The following ZBTB20 variants were observed in gnomAD, a reference collection of about 807,000 sequenced individuals.
The protein encoded by ZBTB20 is zinc finger and BTB domain containing 20.
ZBTB20 carries 9 observed loss-of-function variants against 56.9 expected under a neutral mutation model. The observed-to-expected ratio is 0.16, with a 90% confidence interval of 0.10 to 0.28. The LOEUF is 0.28. Among genes scored for constraint, ZBTB20 ranks in the 10% least tolerant of loss-of-function variants. The probability of loss-of-function intolerance (pLI) is 1.00; values close to 1 mark genes in which losing one functional copy is unlikely to be tolerated. For synonymous variants in ZBTB20, 417 were observed against 420.7 expected, an observed-to-expected ratio of 0.99 and a Z score of 0.11; for missense variants, 655 against 1,003.0, an observed-to-expected ratio of 0.65 and a Z score of 4.69.
chr3:114,954,742 G>A lies in ZBTB20; in HGVS notation c.-456+19624C>T, dbSNP rs148749734. Among the ~76,000 whole-genome samples the A allele has an allele frequency of 1.4e-3, 219 of 152,172 alleles. 2 individuals carry two copies. The highest frequency in any genetic ancestry group is 3.4e-3 in the Middle Eastern group (1 of 294). ...TCTTCTAAGCTAAGATAAGGTTTGG[G>A]GCACCTAAAGTGCACTCAACTGCAA... On this transcript the variant is annotated intron_variant, in intron 3 of 11. Transcript: ENST00000675478.
At chr3:114,892,937 G>A (rs987567355) in intron 4 of ZBTB20, among the ~76,000 whole-genome samples, 1 of 152,196 alleles carries the variant, frequency 6.6e-6, no homozygotes, top group Non-Finnish European at 1.5e-5. Context: ...AAAATTGGTT[G>A]TAGAAAGCAC....
chr3:114,544,409 CTTTCTTTCTTTCTTTCTT>C (rs534730462), intron 6 of ZBTB20, among the ~76,000 whole-genome samples: 221 of 5,126 alleles, frequency 0.043, 2 homozygotes, highest in African/African-American at 0.07. Flanking sequence ...TAGATTTCTT[CTTTCTTTCTTTCTTTCTT>C]TCTTTCTTTC....
chr3:114,458,795 T>C (rs1427333251), intron 7 of ZBTB20, among the ~76,000 whole-genome samples: 2 of 152,026 alleles, frequency 1.3e-5, no homozygotes, highest in Non-Finnish European at 2.9e-5. Context: ...AAGGACAACA[T>C]ATCCTAATTT....
chr3:114,949,484 A>G (rs2076990450), intron 3 of ZBTB20, among the ~76,000 whole-genome samples: 1 of 146,460 alleles, frequency 6.8e-6, no homozygotes, highest in Non-Finnish European at 1.5e-5. Context: ...AGACAACTAT[A>G]AGGTCAGGCG....
chr3:114,456,393 T>C (rs2092022255), intron 7 of ZBTB20, among the ~76,000 whole-genome samples: 1 of 152,178 alleles, frequency 6.6e-6, no homozygotes, highest in Non-Finnish European at 1.5e-5. Context: ...GACCTCACCC[T>C]GAATTTACAA....
intron 4 of ZBTB20, among the ~76,000 whole-genome samples, chr3:114,895,705 A>G (rs2074847854): frequency 6.6e-6 from 1 of 152,142 alleles, no homozygotes; most frequent in South Asian, 2.1e-4. Flanking sequence ...AGAAGAGAGG[A>G]AAAAATAATA....
At chr3:114,800,139 G>A (rs534845868) in intron 5 of ZBTB20, among the ~76,000 whole-genome samples, 7 of 151,836 alleles carry the variant, frequency 4.6e-5, no homozygotes, top group Non-Finnish European at 5.9e-5. Flanking sequence ...TAAAACTGAG[G>A]AAGACATCAT....
At chr3:114,735,134 G>A (rs1003549405) in intron 5 of ZBTB20, among the ~76,000 whole-genome samples, 1 of 151,424 alleles carries the variant, frequency 6.6e-6, no homozygotes, top group Non-Finnish European at 1.5e-5. Flanking sequence ...CCAATGCTGA[G>A]TTTTTATTCC....
intron 5 of ZBTB20, among the ~76,000 whole-genome samples, chr3:114,762,399 T>TA (rs1208594675): frequency 1.3e-5 from 2 of 152,192 alleles, no homozygotes; most frequent in African/African-American, 2.4e-5. Flanking sequence ...TCTCTTGACA[T>TA]TGACTAAGTC....
intron 5 of ZBTB20, among the ~76,000 whole-genome samples, chr3:114,763,032 A>G (rs1304153330): frequency 1.3e-5 from 2 of 152,188 alleles, no homozygotes; most frequent in South Asian, 2.1e-4. Flanking sequence ...ATTTTCACAT[A>G]CTTTATATAA....
At chr3:114,420,237 G>A (rs1321003446) in intron 7 of ZBTB20, among the ~76,000 whole-genome samples, 1 of 152,112 alleles carries the variant, frequency 6.6e-6, no homozygotes, top group African/African-American at 2.4e-5. Context: ...AGGAGAGCTG[G>A]GGGTAAGCAG....
chr3:114,597,017 G>A (rs565217099), intron 6 of ZBTB20, among the ~76,000 whole-genome samples: 177 of 151,994 alleles, frequency 1.2e-3, no homozygotes, highest in African/African-American at 4.0e-3. Flanking sequence ...AATACTTCCC[G>A]ACTCAATCCT....
At chr3:114,963,415 C>T (rs1445115054) in intron 3 of ZBTB20, among the ~76,000 whole-genome samples, 1 of 152,130 alleles carries the variant, frequency 6.6e-6, no homozygotes, top group Admixed American at 6.5e-5. Flanking sequence ...TATAAAGCTG[C>T]TTCTGGAGAA....
At chr3:114,361,004 A>G (rs1357873666) in intron 10 of ZBTB20, among the ~76,000 whole-genome samples, 1 of 152,194 alleles carries the variant, frequency 6.6e-6, no homozygotes, top group Non-Finnish European at 1.5e-5. Context: ...AATTATTTTA[A>G]TCACAAGTAG....
intron 5 of ZBTB20, among the ~76,000 whole-genome samples, chr3:114,736,610 A>G (rs975289031): frequency 6.6e-6 from 1 of 152,192 alleles, no homozygotes; most frequent in Admixed American, 6.6e-5. Context: ...TCAAGTAAGG[A>G]CTAAACATAA....
intron 6 of ZBTB20, among the ~76,000 whole-genome samples, chr3:114,538,218 A>C (rs538099957): frequency 1.3e-5 from 2 of 152,222 alleles, no homozygotes; most frequent in South Asian, 4.1e-4. Flanking sequence ...TATAATAATA[A>C]AGGCTCACAT....
chr3:115,060,444 C>T (rs2081973778), intron 2 of ZBTB20, among the ~76,000 whole-genome samples: 3 of 152,120 alleles, frequency 2.0e-5, no homozygotes, highest in Admixed American at 2.0e-4. Flanking sequence ...TACAGGAAGG[C>T]TTTCCCGGGA....
At position 114,481,276 on chromosome 3, in the gene ZBTB20, A is replaced by C. The variant is rs536239110; in HGVS notation, c.-255+19076T>G. Among the ~76,000 whole-genome samples, 6 of 151,604 alleles carry C rather than the reference A, an allele frequency of 4.0e-5. No individual in the cohort carries two copies. In the East Asian group the frequency reaches 1.2e-3, roughly 29 times the overall value. Reference sequence around the variant, plus strand: ...ACAAAAGGATACATTAAAAAAAAAAAAAACCTCATTTCCTGTAAGCTGCTG... The same window carrying C: ...ACAAAAGGATACATTAAAAAAAAAACAAACCTCATTTCCTGTAAGCTGCTG... On this transcript the variant is annotated intron_variant, in intron 7 of 11. Coordinates refer to ENST00000675478, the MANE Select transcript of ZBTB20 (RefSeq NM_001348800.3).
intron 5 of ZBTB20, among the ~76,000 whole-genome samples, chr3:114,745,768 C>A (rs1286721534): frequency 6.6e-6 from 1 of 152,074 alleles, no homozygotes; most frequent in Non-Finnish European, 1.5e-5. Context: ...AGAGAACTAA[C>A]CACATAAGAA....
Sources: allele counts gnomAD v4.1 joint callset (sites outside exome capture counted in the v4.1 genomes callset), GRCh38; gene constraint gnomAD v4.1.1; transcripts MANE v1.5; gene names NCBI Gene and HGNC (gene_info 2026-07-23, HGNC 2026-07-21).